The following EDC3 variants were observed in gnomAD, a reference collection of about 807,000 sequenced individuals.
EDC3 encodes the protein enhancer of mRNA decapping 3, also known as enhancer of mRNA-decapping protein 3.
A neutral mutation model predicts 41.8 loss-of-function variants in EDC3; 20 were observed. The ratio of observed to expected loss-of-function variants is 0.48; its 90% CI spans 0.34 to 0.70. EDC3 has a LOEUF of 0.70. Ranked by LOEUF, EDC3 falls within the 30% of genes least tolerant of loss-of-function variation. The probability of loss-of-function intolerance (pLI) is 0.01; values close to 1 mark genes in which losing one functional copy is unlikely to be tolerated. For missense variants in EDC3, 444 were observed against 636.8 expected (o/e 0.70, Z 3.26); for synonymous variants, 206 against 243.2 (o/e 0.85, Z 1.42).
At chr15:74,660,429 A>ATG (rs1312712816) in intron 3 of EDC3, among the ~76,000 whole-genome samples, 1 of 150,428 alleles carries the variant, frequency 6.6e-6, no homozygotes, top group African/African-American at 2.5e-5. Context: ...ATATATATAT[A>ATG]TATATGTGTG....
At chr15:74,665,798 CTTT>C (rs916623879) in intron 3 of EDC3, among the ~76,000 whole-genome samples, 5 of 137,252 alleles carry the variant, frequency 3.6e-5, no homozygotes, top group East Asian at 2.1e-4. Context: ...TCTTTCTTTC[CTTT>C]TTTTTTTTTT....
intron 3 of EDC3, among the ~76,000 whole-genome samples, chr15:74,663,290 A>AAAAT (rs1014919180): frequency 2.5e-4 from 38 of 152,266 alleles, no homozygotes; most frequent in African/African-American, 8.7e-4. Context: ...TCCGTCTCAA[A>AAAAT]AAATAAATAA....
chr15:74,659,095 G>T (rs1285207268), intron 3 of EDC3, among the ~76,000 whole-genome samples: 1 of 152,214 alleles, frequency 6.6e-6, no homozygotes, highest in African/African-American at 2.4e-5. Context: ...GAAGCACTCT[G>T]TGAGAGCACA....
intron 4 of EDC3, among the ~76,000 whole-genome samples, chr15:74,653,925 A>T (rs2062511737): frequency 6.6e-6 from 1 of 152,092 alleles, no homozygotes. Flanking sequence ...ACTTGACTCC[A>T]GGGCAGATCA....
intron 1 of EDC3, among the ~76,000 whole-genome samples, chr15:74,680,135 T>A (rs561744008): frequency 3.3e-5 from 5 of 149,862 alleles, no homozygotes; most frequent in Non-Finnish European, 7.4e-5. Flanking sequence ...GGTGGCGTGC[T>A]CCTGAGTCCC....
intron 1 of EDC3, among the ~76,000 whole-genome samples, chr15:74,689,972 T>C (rs912455097): frequency 6.6e-6 from 1 of 152,228 alleles, no homozygotes; most frequent in Admixed American, 6.5e-5. Flanking sequence ...GTAAGTTTGC[T>C]GACAGGATTT....
chr15:74,635,506 G>C lies in EDC3; in HGVS notation c.1095C>G (p.Ile365Met). Residue 365 changes from isoleucine to methionine, a missense_variant, in exon 6 of 7, where the codon ATC (isoleucine) becomes ATG (methionine). Around this residue, in one of 3 missense-constraint regions of EDC3, gnomAD observed 242 missense variants for 363.8 expected, o/e 0.67. Transcript: ENST00000315127. The part of the protein sequence containing the change: ...RHLANHDVQV[I>M]LFLPNFVKML... ...TCTTGACAAAATTGGGCAGGAAAAG[G>C]ATGACCTGGACATCATGGTTGGCTA... is the stretch of plus-strand genomic sequence containing the variant. 6.2e-7 allele frequency: 1 copy of C among 1,614,256 alleles called. No homozygotes were observed. Among genetic ancestry groups the C allele is most frequent in the East Asian group, 2.2e-5 (1 of 44,884 alleles).
Position 74,640,834 on chromosome 15 carries a change from C to T in EDC3, c.821-215G>A, listed in dbSNP as rs2062342680. The T allele has an allele frequency of 1.5e-5, 9 of 586,746 alleles. No homozygotes were observed. The East Asian group carries it at 2.7e-4, about 18-fold the overall frequency. 36.3% of individuals were successfully genotyped at this position (586,746 alleles called of 1,614,324 possible). A position where few individuals can be genotyped will look rare whatever the true frequency, so the allele number is the denominator to read the frequency against. On this transcript the variant is annotated intron_variant, in intron 4 of 6. Coordinates refer to ENST00000315127, the MANE Select transcript of EDC3 (RefSeq NM_025083.5). ...AGTAACAACTTGTTCCAGGTCACCA[C>T]AGAGTGGGGACAAACTTAAGCTCCC...
intron 4 of EDC3, among the ~76,000 whole-genome samples, chr15:74,652,155 A>C (rs2062488136): frequency 6.6e-6 from 1 of 152,204 alleles, no homozygotes; most frequent in Admixed American, 6.5e-5. Context: ...AAAAATGATA[A>C]GTCTAACCAT....
At chr15:74,672,185 C>T (rs1294916962) in intron 2 of EDC3, among the ~76,000 whole-genome samples, 6 of 145,136 alleles carry the variant, frequency 4.1e-5, no homozygotes, top group Admixed American at 3.6e-4. Context: ...AGGAGAATGG[C>T]GTGAACCCGG....
chr15:74,647,827 A>C (rs886478792), intron 4 of EDC3, among the ~76,000 whole-genome samples: 1 of 152,248 alleles, frequency 6.6e-6, no homozygotes, highest in Non-Finnish European at 1.5e-5. Context: ...AGCTGTGTTC[A>C]GTGAAAAGTT....
At chr15:74,634,184 T>G (rs1038430507) in intron 6 of EDC3, among the ~76,000 whole-genome samples, 1 of 152,210 alleles carries the variant, frequency 6.6e-6, no homozygotes, top group African/African-American at 2.4e-5. Flanking sequence ...CTAAATCCAG[T>G]GGTCGATTCT....
intron 3 of EDC3, among the ~76,000 whole-genome samples, chr15:74,659,121 G>C (rs2062589669): frequency 6.6e-6 from 1 of 152,156 alleles, no homozygotes; most frequent in South Asian, 2.1e-4. Flanking sequence ...GCCATAGCTA[G>C]GTGCTAGGAT....
At chr15:74,633,736 T>TG (rs1319640528) in intron 6 of EDC3, among the ~76,000 whole-genome samples, 8 of 152,092 alleles carry the variant, frequency 5.3e-5, no homozygotes, top group Non-Finnish European at 8.8e-5. Context: ...TAGGAAAACT[T>TG]TTGGGCAGCA....
intron 4 of EDC3, among the ~76,000 whole-genome samples, chr15:74,646,091 G>A (rs2062415073): frequency 7.0e-6 from 1 of 141,942 alleles, no homozygotes; most frequent in African/African-American, 2.6e-5. Flanking sequence ...TTGAGACAGA[G>A]TTCAGAGTTT....
chr15:74,659,744 C>T (rs922827961), intron 3 of EDC3, among the ~76,000 whole-genome samples: 16 of 151,452 alleles, frequency 1.1e-4, no homozygotes, highest in Non-Finnish European at 2.4e-4. Flanking sequence ...CACATCCTGG[C>T]TAAAAAATAA....
intron 3 of EDC3, among the ~76,000 whole-genome samples, chr15:74,663,326 A>G (rs774423560): frequency 6.6e-6 from 1 of 151,858 alleles, no homozygotes; most frequent in Non-Finnish European, 1.5e-5. Context: ...AATGTAAAGA[A>G]AAAGAAAAAG....
intron 1 of EDC3, among the ~76,000 whole-genome samples, chr15:74,686,619 A>C (rs1014237308): frequency 3.9e-5 from 6 of 151,902 alleles, no homozygotes; most frequent in Non-Finnish European, 7.4e-5. Context: ...ATCTCTACTA[A>C]AAATACAAAA....
At chr15:74,695,468 G>A (rs1418593004) in intron 1 of EDC3, 7 of 152,116 alleles carry the variant, frequency 4.6e-5, no homozygotes, top group Admixed American at 4.6e-4. Flanking sequence ...CTACCCTCCA[G>A]TTCATCTCCG....
Sources: gnomAD v4.1 joint callset for allele counts (sites outside exome capture counted in the v4.1 genomes callset) on GRCh38, gnomAD v4.1.1 for gene constraint, gnomAD v4.1.1 regional missense constraint, MANE v1.5 for transcripts, NCBI Gene and HGNC (gene_info 2026-07-23, HGNC 2026-07-21) for gene names.